Variants in GFRA1 observed in about 807,000 individuals in gnomAD.
GFRA1 encodes GDNF family receptor alpha-1.
Under a neutral mutation model 51.6 loss-of-function variants are expected in GFRA1, and 16 were observed. The observed-to-expected ratio is 0.31, with a 90% CI of 0.21 to 0.47. The LOEUF (loss-of-function observed/expected upper bound fraction) is 0.47, where lower values mean the gene tolerates loss of function less well. Among genes scored for constraint, GFRA1 ranks in the 20% least tolerant of loss-of-function variants. The pLI is 1.00. For missense variants in GFRA1, 530 were observed against 594.3 expected, an observed-to-expected ratio of 0.89 and a Z score of 1.13; for synonymous variants, 270 against 241.3, an observed-to-expected ratio of 1.12 and a Z score of -1.10.
At chr10:116,116,747 A>G (rs1030945493) in intron 6 of GFRA1, among the ~76,000 whole-genome samples, 1 of 152,236 alleles carries the variant, frequency 6.6e-6, no homozygotes, top group African/African-American at 2.4e-5. Context: ...ATAAGCAACG[A>G]GTGTTCAAAA....
intron 4 of GFRA1, among the ~76,000 whole-genome samples, chr10:116,247,277 T>C (rs915748241): frequency 3.3e-5 from 5 of 152,224 alleles, no homozygotes; most frequent in Non-Finnish European, 5.9e-5. Flanking sequence ...TGAATCTAAC[T>C]GCTTCTCATC....
At chr10:116,250,924 C>T (rs1968291440) in intron 4 of GFRA1, among the ~76,000 whole-genome samples, 1 of 152,206 alleles carries the variant, frequency 6.6e-6, no homozygotes, top group Non-Finnish European at 1.5e-5. Context: ...CCAGGCTTGG[C>T]CCGCCTGGGG....
At chr10:116,135,527 G>A (rs1488376692) in intron 5 of GFRA1, among the ~76,000 whole-genome samples, 3 of 152,178 alleles carry the variant, frequency 2.0e-5, no homozygotes, top group African/African-American at 7.2e-5. Flanking sequence ...GCACAATTTA[G>A]TTATTTCTAA....
At chr10:116,077,496 A>G (rs184144403) in intron 9 of GFRA1, among the ~76,000 whole-genome samples, 1 of 152,352 alleles carries the variant, frequency 6.6e-6, no homozygotes, top group Non-Finnish European at 1.5e-5. Context: ...ATAAAATAGA[A>G]TTGCACAATT....
chr10:116,065,468 T>C, intron 10 of GFRA1, 105 bp downstream of exon 10: 1 of 897,494 alleles, frequency 1.1e-6, no homozygotes. Flanking sequence ...TCTTGTGGAC[T>C]GGATACCTTC....
chr10:116,202,973 G>A (rs530056772), intron 5 of GFRA1, among the ~76,000 whole-genome samples: 67 of 152,252 alleles, frequency 4.4e-4, no homozygotes, highest in African/African-American at 1.6e-3. Flanking sequence ...AGGGGCAGCC[G>A]TGGATGAGCA....
rs1954845420 is a variant in GFRA1, at chr10:116,062,094, A to G, written c.*2304T>C. ...ATATTGCCTACCCATGCATTCTTCA[A>G]TGAAGGCTGCCCTTGTTAGCGCTGA... On this transcript the variant is annotated 3_prime_UTR_variant, in exon 11 of 11. Transcript: ENST00000355422. The G allele has an allele frequency of 2.5e-6, 1 of 398,588 alleles. No homozygotes were observed. The highest frequency in any genetic ancestry group is 4.4e-6 in the Non-Finnish European group (1 of 226,044). The allele number at this position is 398,588 out of a possible 1,614,324, so 24.7% of individuals were successfully genotyped here.
In GFRA1 at chr10:116,270,968, G is replaced by A. The variant is rs375878951; in HGVS notation, c.188C>T (p.Ala63Val). 20 of 1,614,112 alleles carry A rather than the reference G, an allele frequency of 1.2e-5. No homozygotes were observed. Among genetic ancestry groups the A allele is most frequent in the Non-Finnish European group, 1.7e-5 (20 of 1,180,060 alleles). The change falls in exon 3 of 11, where the codon GCA becomes GTA. Residue 63 changes from alanine (A) to valine (V), a missense_variant. Coordinates refer to ENST00000355422, the MANE Select transcript of GFRA1 (RefSeq NM_005264.8). ...CTCATCCTTGGCCTCCAGGCCGGAT[G>A]CCAGGCTGAAGTTGGTCTCCTTGCC... is the stretch of plus-strand genomic sequence containing the variant. Reference protein sequence around the residue: ...VAGKETNFSLASGLEAKDECR... With the variant: ...VAGKETNFSLVSGLEAKDECR...
intron 5 of GFRA1, among the ~76,000 whole-genome samples, chr10:116,173,876 ATCG>A (rs1961304219): frequency 3.9e-5 from 1 of 25,750 alleles, no homozygotes; most frequent in Non-Finnish European, 8.5e-5. Context: ...CGGGAGTTCG[ATCG>A]AGACCAGCCT....
At chr10:116,092,122 C>T (rs543464589) in intron 8 of GFRA1, among the ~76,000 whole-genome samples, 83 of 151,672 alleles carry the variant, frequency 5.5e-4, no homozygotes, top group African/African-American at 1.9e-3. Context: ...CACACACACA[C>T]ACACACACAC....
At chr10:116,229,283 C>A (rs3858325) in intron 4 of GFRA1, among the ~76,000 whole-genome samples, 1 of 151,922 alleles carries the variant, frequency 6.6e-6, no homozygotes, top group African/African-American at 2.4e-5. Context: ...ACAAGGAAAG[C>A]GATTACACAG....
Position 116,271,086 on chromosome 10 carries a change from CGCCGCTCACTTCG to C in GFRA1, c.57_69del (p.Val21ThrfsTer6). 6.2e-7 allele frequency: 1 copy of C among 1,608,780 alleles called. No homozygotes were observed. Among genetic ancestry groups the C allele is most frequent in the Non-Finnish European group, 8.5e-7 (1 of 1,175,652 alleles). On this transcript the variant is annotated frameshift_variant, in exon 3 of 11. Coordinates refer to ENST00000355422, the MANE Select transcript of GFRA1 (RefSeq NM_005264.8). LOFTEE classifies it high-confidence loss of function. ...GCTTTCACGCAATCCAGGCGGTCTC[CGCCGCTCACTTCG>C]GCCGACAGGAGCAAGTCTGCGGGGC...
intron 5 of GFRA1, among the ~76,000 whole-genome samples, chr10:116,185,299 G>A (rs999892382): frequency 1.8e-4 from 27 of 151,978 alleles, no homozygotes; most frequent in African/African-American, 5.6e-4. Context: ...AGGCTTTGGA[G>A]GAGCTGTGTA....
upstream of GFRA1, among the ~76,000 whole-genome samples, chr10:116,273,646 A>ACTCT (rs1158805358): frequency 6.3e-4 from 9 of 14,392 alleles, no homozygotes; most frequent in African/African-American, 1.0e-3. Flanking sequence ...AGACACACAC[A>ACTCT]CTCTCTCTCT....
intron 6 of GFRA1, among the ~76,000 whole-genome samples, chr10:116,124,169 C>T (rs551190490): frequency 3.3e-5 from 5 of 151,696 alleles, no homozygotes; most frequent in South Asian, 2.1e-4. Context: ...CCTCCCAAAG[C>T]GTTGGGATTA....
intron 9 of GFRA1, 122 bp from the exon 10 acceptor site, chr10:116,065,748 C>A: frequency 2.7e-6 from 2 of 734,574 alleles, no homozygotes; most frequent in Non-Finnish European, 4.8e-6. Flanking sequence ...GCTGTGAGCT[C>A]CATATATAAT....
chr10:116,196,588 CTATATATAATA>C (rs1366681088), intron 5 of GFRA1, among the ~76,000 whole-genome samples: 2 of 12,804 alleles, frequency 1.6e-4, no homozygotes, highest in Non-Finnish European at 2.6e-4. Context: ...ATATATAGTA[CTATATATAATA>C]TATATATAGT....
intron 4 of GFRA1, among the ~76,000 whole-genome samples, chr10:116,240,040 G>A (rs1967225477): frequency 6.6e-6 from 1 of 152,028 alleles, no homozygotes; most frequent in Non-Finnish European, 1.5e-5. Flanking sequence ...CTACAAGCAG[G>A]TGTTCGTCGA....
chr10:116,168,224 A>C (rs1960685278), intron 5 of GFRA1, among the ~76,000 whole-genome samples: 1 of 151,688 alleles, frequency 6.6e-6, no homozygotes, highest in Non-Finnish European at 1.5e-5. Context: ...GCTAAGTACA[A>C]GGCACTGCTC....
Sources: allele counts gnomAD v4.1 joint callset (sites outside exome capture counted in the v4.1 genomes callset), GRCh38; gene constraint gnomAD v4.1.1; transcripts MANE v1.5; gene names NCBI Gene and HGNC (gene_info 2026-07-23, HGNC 2026-07-21).